NCOR2: variants seen among roughly 807,000 people sequenced by gnomAD.
NCOR2 encodes nuclear receptor corepressor 2.
In NCOR2, 81 loss-of-function variants were observed where a neutral mutation model predicts 262.9. That is an observed-to-expected ratio of 0.31 (90% confidence interval 0.26 to 0.37). The LOEUF (loss-of-function observed/expected upper bound fraction) is 0.37, where lower values mean the gene tolerates loss of function less well. Ranked by LOEUF, NCOR2 falls within the 10% of genes least tolerant of loss-of-function variation. The pLI, the probability that NCOR2 is intolerant of heterozygous loss-of-function variation, is 1.00. For missense variants in NCOR2, 3,385 were observed against 3,621.4 expected, an observed-to-expected ratio of 0.93 and a Z score of 1.68; for synonymous variants, 1,659 against 1,559.3, an observed-to-expected ratio of 1.06 and a Z score of -1.51.
chr12:124,393,137 G>A (rs190023996), intron 16 of NCOR2, among the ~76,000 whole-genome samples: 2 of 152,338 alleles, frequency 1.3e-5, no homozygotes, highest in African/African-American at 2.4e-5. Flanking sequence ...GCAGAGCCTC[G>A]GGCCTCTCGC....
intron 21 of NCOR2, among the ~76,000 whole-genome samples, chr12:124,362,762 A>C (rs2038706683): frequency 6.7e-6 from 1 of 150,106 alleles, no homozygotes; most frequent in Non-Finnish European, 1.5e-5. Context: ...GGTGGTGCAC[A>C]GGGGGAGCTC....
chr12:124,526,943 C>A (rs1326421525), intron 1 of NCOR2, among the ~76,000 whole-genome samples: 1 of 152,186 alleles, frequency 6.6e-6, no homozygotes, highest in Non-Finnish European at 1.5e-5. Flanking sequence ...GACAGAGAGT[C>A]CCCCAAGAGC....
At chr12:124,333,765 T>C (rs924643301) in intron 41 of NCOR2, among the ~76,000 whole-genome samples, 1 of 149,974 alleles carries the variant, frequency 6.7e-6, no homozygotes, top group African/African-American at 2.4e-5. Flanking sequence ...AGGGTGGGGG[T>C]GGGGGCGGGG....
intron 6 of NCOR2, among the ~76,000 whole-genome samples, chr12:124,451,813 T>C (rs1268366127): frequency 6.6e-6 from 1 of 152,152 alleles, no homozygotes; most frequent in African/African-American, 2.4e-5. Flanking sequence ...CACCTCCTGA[T>C]GACGCCGGCA....
At chr12:124,422,577 C>A (rs372232245) in intron 11 of NCOR2, 22 bp from the exon 14 acceptor site, 5 of 1,613,498 alleles carry the variant, frequency 3.1e-6, no homozygotes, top group Non-Finnish European at 4.2e-6. Context: ...GAAGGGTGGG[C>A]GTGAGACCTG....
rs764834888 is a variant in NCOR2, at chr12:124,449,877, G to T, written c.763-10C>A. 6.2e-7 allele frequency: 1 copy of T among 1,612,746 alleles called. No homozygotes were observed. The highest frequency in any genetic ancestry group is 8.5e-7 in the Non-Finnish European group (1 of 1,179,158). On this transcript the variant is annotated splice_polypyrimidine_tract_variant and intron_variant, in intron 6 of 46. Coordinates refer to ENST00000405201, the Ensembl canonical transcript of NCOR2. ...GCTGGTTGTACAGCGGCTGCAAAGG[G>T]AGAGAGAGAAGCACATCAGAGCCTG...
chr12:124,354,710 T>A (rs1471618673), intron 25 of NCOR2, 127 bp downstream of exon 27: 3 of 1,304,902 alleles, frequency 2.3e-6, no homozygotes, highest in Non-Finnish European at 2.1e-6. Flanking sequence ...CCAGGGCTGC[T>A]GAGGGGGGAC....
intron 29 of NCOR2, 78 bp from the exon 32 acceptor site, chr12:124,347,989 A>C: frequency 1.3e-6 from 2 of 1,492,474 alleles, no homozygotes; most frequent in Admixed American, 4.0e-5. Flanking sequence ...CAGTGTTTAC[A>C]GCCGCCAGTG....
intron 16 of NCOR2, among the ~76,000 whole-genome samples, chr12:124,396,899 C>G (rs1009945027): frequency 2.4e-4 from 37 of 152,312 alleles, no homozygotes; most frequent in African/African-American, 8.7e-4. Context: ...GGCCTTTGTT[C>G]CCTCCATAAG....
At chr12:124,499,036 C>T (rs2048534276), upstream of NCOR2, among the ~76,000 whole-genome samples, 1 of 152,206 alleles carries the variant, frequency 6.6e-6, no homozygotes, top group South Asian at 2.1e-4. Flanking sequence ...GGCAGTGATG[C>T]AAAGGTTTTG....
intron 13 of NCOR2, among the ~76,000 whole-genome samples, chr12:124,407,759 T>C (rs1024500137): frequency 1.3e-5 from 2 of 152,234 alleles, no homozygotes; most frequent in Admixed American, 1.3e-4. Flanking sequence ...CTCAATCTCA[T>C]GCACTCATTC....
intron 7 of NCOR2, among the ~76,000 whole-genome samples, chr12:124,442,178 C>CT (rs1407836900): frequency 6.6e-6 from 1 of 152,174 alleles, no homozygotes; most frequent in Non-Finnish European, 1.5e-5. Context: ...GGGTCTTACT[C>CT]TGTCTCCCAG....
chr12:124,558,326 A>G (rs701026), intron 1 of NCOR2, among the ~76,000 whole-genome samples: 112,152 of 149,148 alleles, frequency 0.75, 41,931 homozygotes, highest in South Asian at 0.81. Context: ...GTGGGGAGCG[A>G]GCCAAGGGGA....
chr12:124,430,289 C>T (rs1296838728), intron 9 of NCOR2, among the ~76,000 whole-genome samples: 2 of 152,218 alleles, frequency 1.3e-5, no homozygotes, highest in African/African-American at 2.4e-5. Context: ...CTCTTAGCCA[C>T]GTCTCTCCCC....
At chr12:124,501,491 G>A (rs958446787) in intron 1 of NCOR2, among the ~76,000 whole-genome samples, 1 of 144,974 alleles carries the variant, frequency 6.9e-6, no homozygotes, top group African/African-American at 2.7e-5. Flanking sequence ...GCCTCTGGGG[G>A]CTCTGGGGGA....
exon 47 of NCOR2, chr12:124,324,785 T>C (rs1452074416): frequency 6.6e-6 from 1 of 152,486 alleles, no homozygotes; most frequent in African/African-American, 2.4e-5. Context: ...GCGGCAACGA[T>C]GTGTGAAAAA....
At position 124,330,851 on chromosome 12, in the gene NCOR2, C is replaced by A. The variant is rs761117621; in HGVS notation, c.6952G>T (p.Gly2318Ter). ...CAAGGGCTGGATGGGTTACCTGTTC[C>A]GGTGATGGCGGGCATATTGAAGATC... is the stretch of plus-strand genomic sequence containing the variant. The change falls in exon 44 of 47, where the codon GGA becomes TGA. Residue 2318 changes from glycine (G) to a stop codon, truncating the protein, a stop_gained. Coordinates refer to ENST00000405201, the Ensembl canonical transcript of NCOR2. LOFTEE classifies it high-confidence loss of function. 3 of 1,577,992 alleles carry A rather than the reference C, an allele frequency of 1.9e-6. No individual in the cohort carries two copies. The highest frequency in any genetic ancestry group is 4.6e-5 in the East Asian group (2 of 43,318).
In NCOR2 at chr12:124,475,734, G is replaced by A. The variant is rs564253389; in HGVS notation, c.412-2603C>T. Reference sequence around the variant, plus strand: ...AACCGTCATAACCACCGTGGGAAGTGGGATTTCTGTTTGACGACATGCCCA... The same window carrying A: ...AACCGTCATAACCACCGTGGGAAGTAGGATTTCTGTTTGACGACATGCCCA... On this transcript the variant is annotated intron_variant, in intron 3 of 46. Transcript: ENST00000405201. 1.2e-4 allele frequency among the ~76,000 whole-genome samples: 19 copies of A among 152,350 alleles called. 2 individuals are homozygous for A. In the South Asian group the frequency reaches 3.9e-3, roughly 32 times the overall value.
At chr12:124,553,152 G>C (rs1310553755) in intron 1 of NCOR2, among the ~76,000 whole-genome samples, 3 of 152,088 alleles carry the variant, frequency 2.0e-5, no homozygotes, top group African/African-American at 7.2e-5. Context: ...CTTGGCTAAT[G>C]GCCCCTTCTC....
Sources: gnomAD v4.1 joint callset for allele counts (sites outside exome capture counted in the v4.1 genomes callset) on GRCh38, gnomAD v4.1.1 for gene constraint, MANE v1.5 for transcripts, NCBI Gene and HGNC (gene_info 2026-07-23, HGNC 2026-07-21) for gene names.